The following RIC1 variants were observed in gnomAD, a reference collection of about 807,000 sequenced individuals.
RIC1 encodes guanine nucleotide exchange factor subunit RIC1.
A neutral mutation model predicts 169.0 loss-of-function variants in RIC1; 88 were observed. The ratio of observed to expected loss-of-function variants is 0.52; its 90% CI spans 0.44 to 0.62. The LOEUF (loss-of-function observed/expected upper bound fraction) is 0.62. Among genes scored for constraint, RIC1 ranks in the 20% least tolerant of loss-of-function variants. The pLI, the probability that RIC1 is intolerant of heterozygous loss-of-function variation, is 0.00. For missense variants in RIC1, 1,877 were observed against 1,725.5 expected (o/e 1.09, Z -1.56); for synonymous variants, 790 against 601.5 (o/e 1.31, Z -4.59).
rs758310144 is a variant in RIC1 at position 5,683,723 on chromosome 9, GT to G, written c.253-6235del. Among the ~76,000 whole-genome samples, 11 of 152,336 alleles carry G rather than the reference GT, an allele frequency of 7.2e-5. No homozygotes were observed. The South Asian group carries it at 2.1e-3, about 29-fold the overall frequency. On this transcript the variant is annotated intron_variant, in intron 2 of 25. Transcript: ENST00000414202. ...CAGAGGTTACTGCTGCCTTTTGTTT[GT>G]CTGTGCCCTGCCCCCAGAGGTGGAG... is the stretch of plus-strand genomic sequence containing the variant.
intron 1 of RIC1, among the ~76,000 whole-genome samples, chr9:5,648,065 C>T (rs1330732242): frequency 1.3e-5 from 2 of 150,910 alleles, no homozygotes; most frequent in African/African-American, 4.9e-5. Context: ...TTACTGCAAC[C>T]GCCACCTCCC....
At chr9:5,698,226 A>G (rs1351178688) in intron 3 of RIC1, among the ~76,000 whole-genome samples, 1 of 152,212 alleles carries the variant, frequency 6.6e-6, no homozygotes, top group Non-Finnish European at 1.5e-5. Flanking sequence ...CTAGCCCTCA[A>G]AGCATACTTG....
chr9:5,764,008 T>C lies in RIC1; in HGVS notation c.2841+140T>C, dbSNP rs73389515. 1.4e-3 allele frequency: 1,266 copies of C among 927,682 alleles called. 18 individuals are homozygous for C. The African/African-American group carries it at 0.019, about 14-fold the overall frequency. The allele number at this position is 927,682 out of a possible 1,614,324, so 57.5% of individuals were successfully genotyped here. A position where few individuals can be genotyped will look rare whatever the true frequency, so the allele number is the denominator to read the frequency against. The stretch of plus-strand genomic sequence containing the variant: ...TGTTTATATCTTTAATTTGGAAGAA[T>C]TCAGACAGATTCCTTTGAATATCAT... On this transcript the variant is annotated intron_variant, in intron 19 of 25. Transcript: ENST00000414202.
chr9:5,766,039 C>T (rs569803426), intron 21 of RIC1, among the ~76,000 whole-genome samples: 4 of 152,064 alleles, frequency 2.6e-5, no homozygotes, highest in African/African-American at 4.8e-5. Context: ...TGTACCTGTT[C>T]TGAATGTAAC....
chr9:5,717,680 A>G (rs1823337687), intron 4 of RIC1, among the ~76,000 whole-genome samples: 1 of 151,886 alleles, frequency 6.6e-6, no homozygotes, highest in Admixed American at 6.6e-5. Context: ...CCTTGTCTCT[A>G]CCACAAACAG....
rs372928695 is a variant in RIC1, at chr9:5,698,330, A to G, written c.332+8292A>G. The stretch of plus-strand genomic sequence containing the variant: ...GTGGTTTGATTTTTGGTTTTTACCA[A>G]TTTGATGAGAAATTACTCCCCGCTC... On this transcript the variant is annotated intron_variant, in intron 3 of 25. Coordinates refer to ENST00000414202, the MANE Select transcript of RIC1 (RefSeq NM_020829.4). Among the ~76,000 whole-genome samples the G allele has an allele frequency of 2.0e-5, 3 of 152,170 alleles. 1 individual carries two copies. Among genetic ancestry groups the G allele is most frequent in the South Asian group, 4.1e-4 (2 of 4,824 alleles).
chr9:5,636,188 A>G (rs1334504523), intron 1 of RIC1, among the ~76,000 whole-genome samples: 2 of 152,228 alleles, frequency 1.3e-5, no homozygotes, highest in Non-Finnish European at 2.9e-5. Flanking sequence ...ATCCATGAAC[A>G]TAAGATATCC....
At chr9:5,683,808 C>G (rs369052989) in intron 2 of RIC1, among the ~76,000 whole-genome samples, 4 of 152,214 alleles carry the variant, frequency 2.6e-5, no homozygotes, top group Non-Finnish European at 5.9e-5. Context: ...TTCAACTTCC[C>G]GGCTGCTTTG....
intron 22 of RIC1, chr9:5,769,462 G>T: frequency 6.8e-7 from 1 of 1,463,394 alleles, no homozygotes; most frequent in South Asian, 1.4e-5. Flanking sequence ...TAAGTCTTGT[G>T]ACCTTGAAGT....
chr9:5,719,387 G>A (rs1459314624), intron 4 of RIC1: 1 of 152,200 alleles, frequency 6.6e-6, no homozygotes, highest in Non-Finnish European at 1.5e-5. Flanking sequence ...CATAAATATT[G>A]ATAAGTGATG....
intron 6 of RIC1, among the ~76,000 whole-genome samples, chr9:5,731,974 A>G (rs117233659): frequency 6.6e-6 from 1 of 152,196 alleles, no homozygotes; most frequent in African/African-American, 2.4e-5. Flanking sequence ...AGAATGTACT[A>G]CTTTTCACTG....
Position 5,748,120 on chromosome 9 carries a change from A to C in RIC1, c.1452+615A>C, listed in dbSNP as rs539498850. On this transcript the variant is annotated intron_variant, in intron 12 of 25. Transcript: ENST00000414202. ...TAATTCTCAATTTTGATACCAAGTA[A>C]AATTATTTTGGGGAAACCAGTAAGT... Among the ~76,000 whole-genome samples, 5 of 152,356 alleles carry C rather than the reference A, an allele frequency of 3.3e-5. No individual in the cohort carries two copies. The South Asian group carries it at 1.0e-3, about 32-fold the overall frequency.
chr9:5,714,067 C>G (rs1341633156), intron 4 of RIC1, 64 bp downstream of exon 4: 2 of 986,732 alleles, frequency 2.0e-6, no homozygotes, highest in Non-Finnish European at 3.1e-6. Flanking sequence ...TCGTAAATCC[C>G]ATGACCAACA....
intron 2 of RIC1, 129 bp downstream of exon 2, chr9:5,656,819 T>C (rs968689727): frequency 7.0e-6 from 4 of 575,112 alleles, no homozygotes; most frequent in Non-Finnish European, 1.2e-5. Flanking sequence ...CTGATAGGAA[T>C]TGCTTTACTG....
Position 5,651,738 on chromosome 9 carries a change from A to ATT in RIC1, c.145-4837_145-4836dup, listed in dbSNP as rs143169988. Among the ~76,000 whole-genome samples the ATT allele has an allele frequency of 2.3e-3, 339 of 148,970 alleles. 2 individuals carry two copies. Among genetic ancestry groups the ATT allele is most frequent in the African/African-American group, 7.8e-3 (318 of 40,624 alleles). On this transcript the variant is annotated intron_variant, in intron 1 of 25. Coordinates refer to ENST00000414202, the MANE Select transcript of RIC1 (RefSeq NM_020829.4). ...GCCACCATGCCCAGCTAATTTTTGT[A>ATT]TTTTTTTTTATTAGAGATGGGGTTT...
Position 5,754,984 on chromosome 9 carries a change from A to T in RIC1, c.1692+54A>T, listed in dbSNP as rs530958426. ...TTTTTATATTTTAAAGCTATTAAGC[A>T]TGAATTAATTTTATATAGAAAATAG... is the stretch of plus-strand genomic sequence containing the variant. On this transcript the variant is annotated intron_variant, in intron 15 of 25. Transcript: ENST00000414202. 48 of 1,163,570 alleles carry T rather than the reference A, an allele frequency of 4.1e-5. No homozygotes were observed. The Admixed American group carries it at 9.9e-4, about 24-fold the overall frequency. 72.1% of individuals were successfully genotyped at this position (1,163,570 alleles called of 1,614,324 possible). A position where few individuals can be genotyped will look rare whatever the true frequency, so the allele number is the denominator to read the frequency against.
intron 11 of RIC1, among the ~76,000 whole-genome samples, chr9:5,746,778 A>G (rs759695126): frequency 2.6e-5 from 4 of 152,162 alleles, no homozygotes; most frequent in African/African-American, 4.8e-5. Flanking sequence ...CCTACCATCA[A>G]TGGCTTTTTA....
At chr9:5,777,482 A>G (rs374123970), downstream of RIC1, among the ~76,000 whole-genome samples, 1 of 151,814 alleles carries the variant, frequency 6.6e-6, no homozygotes, top group Non-Finnish European at 1.5e-5. Context: ...TGTGATTACA[A>G]TCACACGGAC....
intron 25 of RIC1, among the ~76,000 whole-genome samples, chr9:5,773,369 G>C (rs997948166): frequency 6.6e-6 from 1 of 152,140 alleles, no homozygotes; most frequent in African/African-American, 2.4e-5. Context: ...CTTAGAATTA[G>C]ACTGGAACTT....
Sources: gnomAD v4.1 joint callset for allele counts (sites outside exome capture counted in the v4.1 genomes callset) on GRCh38, gnomAD v4.1.1 for gene constraint, MANE v1.5 for transcripts, NCBI Gene and HGNC (gene_info 2026-07-23, HGNC 2026-07-21) for gene names.